Variants in TFCP2L1 observed in about 807,000 individuals in gnomAD.
TFCP2L1 encodes transcription factor CP2 like 1.
Under a neutral mutation model 72.2 loss-of-function variants are expected in TFCP2L1, and 12 were observed. The ratio of observed to expected loss-of-function variants is 0.17; its 90% confidence interval spans 0.11 to 0.27. TFCP2L1 has a LOEUF of 0.27. TFCP2L1 is among the 10% of genes least tolerant of loss of function. The pLI is 1.00. For missense variants in TFCP2L1, 488 were observed against 624.6 expected (o/e 0.78, Z 2.33); for synonymous variants, 260 against 251.0 (o/e 1.04, Z -0.34).
At chr2:121,235,484 C>T (rs1237828563) in intron 10 of TFCP2L1, among the ~76,000 whole-genome samples, 173 bp from the exon 11 acceptor site, 2 of 151,968 alleles carry the variant, frequency 1.3e-5, no homozygotes, top group African/African-American at 4.8e-5. Context: ...GATTGCAGCC[C>T]AGGAAGTGCC....
At chr2:121,235,408 G>A (rs1345872530) in intron 10 of TFCP2L1, 97 bp from the exon 11 acceptor site, 3 of 1,224,642 alleles carry the variant, frequency 2.4e-6, no homozygotes, top group Admixed American at 3.7e-5. Context: ...GGGGGTGGGG[G>A]GTGGGGAAGA....
At chr2:121,268,406 T>C in intron 2 of TFCP2L1, among the ~76,000 whole-genome samples, 1 of 152,050 alleles carries the variant, frequency 6.6e-6, no homozygotes, top group East Asian at 1.9e-4. Context: ...CAGGCTGGAG[T>C]GCAGTGGCAC....
In TFCP2L1 at chr2:121,276,505, C is replaced by A. The variant is rs536186817; in HGVS notation, c.214+4615G>T. ...AAAATTAGCCGGGTGTGGTGGCGCA[C>A]AACTGTAGTCCCAGCTACTCAGGAG... On this transcript the variant is annotated intron_variant, in intron 2 of 14. Transcript: ENST00000263707. 3.3e-5 allele frequency among the ~76,000 whole-genome samples: 5 copies of A among 151,884 alleles called. No homozygotes were observed. In the South Asian group the frequency reaches 8.3e-4, roughly 25 times the overall value.
rs566822936 is a variant in TFCP2L1, at chr2:121,222,341, T to C, written c.*2000A>G. ...AATGAAAACATATGTCCACACAAAA[T>C]CTTGTAGAAATATGTTCATAGCAGC... On this transcript the variant is annotated 3_prime_UTR_variant, in exon 15 of 15. Coordinates refer to ENST00000263707, the MANE Select transcript of TFCP2L1 (RefSeq NM_014553.3). 4.6e-5 allele frequency: 7 copies of C among 152,174 alleles called. No homozygotes were observed. Among genetic ancestry groups the C allele is most frequent in the Admixed American group, 2.0e-4 (3 of 15,276 alleles). The allele number at this position is 152,174 out of a possible 1,614,324, so 9.4% of individuals were successfully genotyped here. A position where few individuals can be genotyped will look rare whatever the true frequency, so the allele number is the denominator to read the frequency against.
Position 121,249,140 on chromosome 2 carries a change from C to T in TFCP2L1, c.292-53G>A, listed in dbSNP as rs1686551215. On this transcript the variant is annotated intron_variant, in intron 3 of 14. Coordinates refer to ENST00000263707, the MANE Select transcript of TFCP2L1 (RefSeq NM_014553.3). Reference sequence around the variant, plus strand: ...AGTGACCGCGGGGGGCCAAGAGGAACCCACCTCTTTTCCCTGAGCCACAGT... The same window carrying T: ...AGTGACCGCGGGGGGCCAAGAGGAATCCACCTCTTTTCCCTGAGCCACAGT... 2.2e-6 allele frequency: 3 copies of T among 1,348,566 alleles called. No individual in the cohort carries two copies. In the Admixed American group the frequency reaches 7.8e-5, roughly 35 times the overall value. 83.5% of individuals were successfully genotyped at this position (1,348,566 alleles called of 1,614,324 possible). A position where few individuals can be genotyped will look rare whatever the true frequency, so the allele number is the denominator to read the frequency against.
chr2:121,230,649 T>C (rs1686122433), intron 13 of TFCP2L1, among the ~76,000 whole-genome samples: 1 of 151,252 alleles, frequency 6.6e-6, no homozygotes, highest in African/African-American at 2.4e-5. Context: ...GGTGAGTGCC[T>C]GTAGTTCCAG....
chr2:121,254,109 G>T (rs1209612654), intron 2 of TFCP2L1, among the ~76,000 whole-genome samples: 3 of 152,236 alleles, frequency 2.0e-5, no homozygotes, highest in Non-Finnish European at 4.4e-5. Flanking sequence ...GCTATGAGAA[G>T]GCGCGGGTCG....
chr2:121,230,724 G>C (rs891252673), intron 13 of TFCP2L1, among the ~76,000 whole-genome samples: 2 of 152,080 alleles, frequency 1.3e-5, no homozygotes, highest in Non-Finnish European at 2.9e-5. Context: ...AGTAAGCTGA[G>C]ATCACACCAG....
Position 121,249,540 on chromosome 2 carries a change from C to T in TFCP2L1, c.291+31G>A, listed in dbSNP as rs752585601. The T allele has an allele frequency of 1.0e-4, 168 of 1,609,684 alleles. 1 individual carries two copies. The South Asian group carries it at 1.6e-3, about 15-fold the overall frequency. Reference sequence around the variant, plus strand: ...CAGACCCTAATCAAGCCCCTCTCCCCGAGGCAATGAGAACAGCCTGTGAGG... The same window carrying T: ...CAGACCCTAATCAAGCCCCTCTCCCTGAGGCAATGAGAACAGCCTGTGAGG... On this transcript the variant is annotated intron_variant, in intron 3 of 14. Transcript: ENST00000263707.
chr2:121,239,786 G>T, intron 7 of TFCP2L1, 137 bp from the exon 8 acceptor site: 2 of 899,238 alleles, frequency 2.2e-6, no homozygotes, highest in Non-Finnish European at 1.6e-6. Context: ...TTTACCCAGT[G>T]CCCACAGTGA....
chr2:121,257,565 C>G (rs1162690019), intron 2 of TFCP2L1, among the ~76,000 whole-genome samples: 1 of 152,216 alleles, frequency 6.6e-6, no homozygotes, highest in Non-Finnish European at 1.5e-5. Flanking sequence ...CTCAACTAAA[C>G]TTTGTGCTCT....
At chr2:121,274,292 C>G (rs1208073620) in intron 2 of TFCP2L1, among the ~76,000 whole-genome samples, 1 of 151,990 alleles carries the variant, frequency 6.6e-6, no homozygotes, top group Non-Finnish European at 1.5e-5. Flanking sequence ...AGGCACTCAG[C>G]TTAATACTGA....
At chr2:121,270,296 C>T (rs1043724412) in intron 2 of TFCP2L1, among the ~76,000 whole-genome samples, 1 of 152,144 alleles carries the variant, frequency 6.6e-6, no homozygotes, top group Non-Finnish European at 1.5e-5. Context: ...CAAGTCTCTG[C>T]CCTCAAGTTT....
chr2:121,232,801 G>A (rs1446218176), intron 12 of TFCP2L1, among the ~76,000 whole-genome samples: 1 of 152,084 alleles, frequency 6.6e-6, no homozygotes, highest in Non-Finnish European at 1.5e-5. Flanking sequence ...AGGGCACCAT[G>A]GTGTCAGCAA....
rs142365718 is a variant in TFCP2L1 at position 121,239,331 on chromosome 2, G to A, written c.860+227C>T. ...CCGCATGCACCCTCAAGCCAGTCCT[G>A]GTTTCACCAGGTAAGTTCTGGGCCG... On this transcript the variant is annotated intron_variant, in intron 8 of 14. Transcript: ENST00000263707. Among the ~76,000 whole-genome samples the A allele has an allele frequency of 9.2e-5, 14 of 152,298 alleles. No homozygotes were observed. The East Asian group carries it at 1.9e-3, about 21-fold the overall frequency.
At position 121,224,189 on chromosome 2, in the gene TFCP2L1, CT is replaced by C. The variant is rs548634952; in HGVS notation, c.*151del. On this transcript the variant is annotated 3_prime_UTR_variant, in exon 15 of 15. Coordinates refer to ENST00000263707, the MANE Select transcript of TFCP2L1 (RefSeq NM_014553.3). Reference sequence around the variant, plus strand: ...CGTACTTGGTGTCCACAGGCTTCTGCTGGTTGGTGCTCTGTAGCTTTCACAG... The same window carrying C: ...CGTACTTGGTGTCCACAGGCTTCTGCGGTTGGTGCTCTGTAGCTTTCACAG... 3.8e-5 allele frequency: 29 copies of C among 769,988 alleles called. No individual in the cohort carries two copies. The South Asian group carries it at 4.9e-4, about 13-fold the overall frequency. The allele number at this position is 769,988 out of a possible 1,614,324, so 47.7% of individuals were successfully genotyped here.
intron 11 of TFCP2L1, 86 bp from the exon 12 acceptor site, chr2:121,234,280 G>A (rs1686200844): frequency 2.4e-6 from 3 of 1,246,346 alleles, no homozygotes; most frequent in Admixed American, 1.8e-5. Context: ...ACAATAGTGG[G>A]CAGAACTCAG....
chr2:121,266,882 A>ATTAT (rs199919633), intron 2 of TFCP2L1, among the ~76,000 whole-genome samples: 4,560 of 145,840 alleles, frequency 0.031, 88 homozygotes, highest in Middle Eastern at 0.062. Flanking sequence ...TATTTTTTTC[A>ATTAT]TTATTTATTT....
At chr2:121,262,343 T>C (rs1403707590) in intron 2 of TFCP2L1, among the ~76,000 whole-genome samples, 1 of 152,044 alleles carries the variant, frequency 6.6e-6, no homozygotes, top group African/African-American at 2.4e-5. Flanking sequence ...CGGGCGCCTG[T>C]AACCCTAGCT....
Sources: allele counts gnomAD v4.1 joint callset (sites outside exome capture counted in the v4.1 genomes callset), GRCh38; gene constraint gnomAD v4.1.1; transcripts MANE v1.5; gene names NCBI Gene and HGNC (gene_info 2026-07-23, HGNC 2026-07-21).